SHISA6: variants seen among roughly 807,000 people sequenced by gnomAD.
The protein encoded by SHISA6 is shisa family member 6.
Under a neutral mutation model 47.9 loss-of-function variants are expected in SHISA6, and 22 were observed. The ratio of observed to expected loss-of-function variants is 0.46; its 90% CI spans 0.33 to 0.66. The LOEUF (loss-of-function observed/expected upper bound fraction) is 0.66. Ranked by LOEUF, SHISA6 falls within the 30% of genes least tolerant of loss-of-function variation. The pLI is 0.02. For synonymous variants in SHISA6, 388 were observed against 337.8 expected, an observed-to-expected ratio of 1.15 and a Z score of -1.63; for missense variants, 680 against 764.6, an observed-to-expected ratio of 0.89 and a Z score of 1.30.
chr17:11,480,919 T>C (rs1052229721), intron 3 of SHISA6, among the ~76,000 whole-genome samples: 1 of 152,092 alleles, frequency 6.6e-6, no homozygotes, highest in Admixed American at 6.6e-5. Context: ...GAAGTGAGTA[T>C]ATTAAAAAAA....
Position 11,263,475 on chromosome 17 carries a change from T to C in SHISA6, c.748T>C (p.Ser250Pro), listed in dbSNP as rs1908314540. 6.4e-7 allele frequency: 1 copy of C among 1,551,566 alleles called. No individual in the cohort carries two copies. Among genetic ancestry groups the C allele is most frequent in the Admixed American group, 2.0e-5 (1 of 50,966 alleles). ...TSPKENTPVR[S>P]SSKNHYTPVR... ...TCCCAAAGAGAACACGCCGGTCAGA[T>C]CGTCCTCCAAAAACCACTACACTCC... The change falls in exon 2 of 6, where the codon TCG (serine) becomes CCG (proline). Residue 250 changes from serine (S) to proline (P), a missense_variant. This residue lies in a region of SHISA6 where 559 missense variants were observed against 674.1 expected (regional missense o/e 0.83). Transcript: ENST00000441885.
intron 2 of SHISA6, among the ~76,000 whole-genome samples, chr17:11,374,186 T>C (rs948662862): frequency 1.3e-5 from 2 of 152,214 alleles, no homozygotes; most frequent in Non-Finnish European, 2.9e-5. Flanking sequence ...CTTTGGGTTT[T>C]CTCTCCTTTG....
rs1332765351 is a variant in SHISA6 at position 11,379,513 on chromosome 17, C to G, written c.895+4C>G. 2.6e-6 allele frequency: 4 copies of G among 1,525,558 alleles called. No individual in the cohort carries two copies. The highest frequency in any genetic ancestry group is 3.5e-6 in the Non-Finnish European group (4 of 1,132,886). 94.5% of individuals were successfully genotyped at this position (1,525,558 alleles called of 1,614,324 possible). A position where few individuals can be genotyped will look rare whatever the true frequency, so the allele number is the denominator to read the frequency against. ...TTAGGAAGAGGACACACCAAGGGTA[C>G]AGTGGAAACCATTTTTTACTAAAAT... is the stretch of plus-strand genomic sequence containing the variant. On this transcript the variant is annotated splice_donor_region_variant and intron_variant, in intron 3 of 5. Transcript: ENST00000441885.
At chr17:11,360,375 T>G (rs1912225644) in intron 2 of SHISA6, among the ~76,000 whole-genome samples, 1 of 152,004 alleles carries the variant, frequency 6.6e-6, no homozygotes, top group South Asian at 2.1e-4. Flanking sequence ...CTGGCCAAGA[T>G]GGTGAAACCC....
At chr17:11,434,017 A>G (rs1914864558) in intron 3 of SHISA6, among the ~76,000 whole-genome samples, 1 of 151,532 alleles carries the variant, frequency 6.6e-6, no homozygotes, top group Non-Finnish European at 1.5e-5. Flanking sequence ...CACATGCGGT[A>G]TATCCCAGGA....
chr17:11,487,253 T>C (rs1410391133), intron 3 of SHISA6, among the ~76,000 whole-genome samples: 1 of 152,184 alleles, frequency 6.6e-6, no homozygotes, highest in African/African-American at 2.4e-5. Flanking sequence ...AGAGACTGAA[T>C]AAGTATCCTA....
At chr17:11,387,796 C>G (rs1243089480) in intron 3 of SHISA6, among the ~76,000 whole-genome samples, 1 of 152,136 alleles carries the variant, frequency 6.6e-6, no homozygotes, top group African/African-American at 2.4e-5. Flanking sequence ...CCTCCTCCAG[C>G]TGAGTCAGGT....
intron 1 of SHISA6, among the ~76,000 whole-genome samples, chr17:11,251,870 G>C (rs578087722): frequency 5.5e-4 from 83 of 152,264 alleles, no homozygotes; most frequent in African/African-American, 1.9e-3. Context: ...TTACTCTCCA[G>C]CTCCCAACCT....
intron 3 of SHISA6, among the ~76,000 whole-genome samples, chr17:11,456,757 T>C (rs568444368): frequency 1.3e-5 from 2 of 152,138 alleles, no homozygotes; most frequent in South Asian, 2.1e-4. Flanking sequence ...GTCTCAAATA[T>C]TCTCTTTAGG....
intron 3 of SHISA6, among the ~76,000 whole-genome samples, chr17:11,462,275 G>A (rs959440370): frequency 6.6e-6 from 1 of 152,146 alleles, no homozygotes; most frequent in Non-Finnish European, 1.5e-5. Context: ...CAGTCAGGAT[G>A]CCATGCATTC....
Position 11,419,911 on chromosome 17 carries a change from G to A in SHISA6, c.895+40402G>A, listed in dbSNP as rs183817564. On this transcript the variant is annotated intron_variant, in intron 3 of 5. Coordinates refer to ENST00000441885, the MANE Select transcript of SHISA6 (RefSeq NM_207386.4). The stretch of plus-strand genomic sequence containing the variant: ...CCATGGTTCCAAAGGTGAAATAGAA[G>A]AAGTACAAGGGGCTGGGTGCGGTGG... Among the ~76,000 whole-genome samples, 13 of 152,276 alleles carry A rather than the reference G, an allele frequency of 8.5e-5. No individual in the cohort carries two copies. In the East Asian group the frequency reaches 2.3e-3, roughly 27 times the overall value.
chr17:11,291,118 G>A (rs978675416), intron 2 of SHISA6, among the ~76,000 whole-genome samples: 7 of 151,982 alleles, frequency 4.6e-5, no homozygotes, highest in African/African-American at 1.7e-4. Flanking sequence ...AGTAGTGGGC[G>A]ATTCGAGGGG....
chr17:11,535,738 TA>T (rs1158827160), intron 3 of SHISA6, among the ~76,000 whole-genome samples: 1 of 152,210 alleles, frequency 6.6e-6, no homozygotes, highest in Admixed American at 6.5e-5. Flanking sequence ...TTCAGCTACT[TA>T]TTTTTTGCGT....
chr17:11,545,436 G>T (rs1048808166), intron 3 of SHISA6, among the ~76,000 whole-genome samples: 1 of 152,150 alleles, frequency 6.6e-6, no homozygotes, highest in Non-Finnish European at 1.5e-5. Context: ...GCAACAAGAG[G>T]AATCCTTGTG....
chr17:11,324,471 T>C (rs1910808857), intron 2 of SHISA6, among the ~76,000 whole-genome samples: 1 of 152,162 alleles, frequency 6.6e-6, no homozygotes, highest in Non-Finnish European at 1.5e-5. Flanking sequence ...GCCCCTGACC[T>C]CGTGGACCTC....
intron 2 of SHISA6, among the ~76,000 whole-genome samples, chr17:11,346,588 A>T (rs1287006017): frequency 2.6e-5 from 4 of 152,230 alleles, no homozygotes; most frequent in South Asian, 4.1e-4. Context: ...CTGAGACAGA[A>T]TCATCTGGGA....
chr17:11,328,590 G>A (rs560745836), intron 2 of SHISA6, among the ~76,000 whole-genome samples: 3 of 152,294 alleles, frequency 2.0e-5, no homozygotes, highest in South Asian at 2.1e-4. Flanking sequence ...AATAAATTGC[G>A]TGTGTGTGTT....
At chr17:11,362,101 A>G (rs1382496757) in intron 2 of SHISA6, among the ~76,000 whole-genome samples, 1 of 152,084 alleles carries the variant, frequency 6.6e-6, no homozygotes, top group Non-Finnish European at 1.5e-5. Context: ...CTTTCTCATC[A>G]TTAAGATCTC....
At chr17:11,268,142 T>C (rs1484214706) in intron 2 of SHISA6, among the ~76,000 whole-genome samples, 2 of 152,170 alleles carry the variant, frequency 1.3e-5, no homozygotes, top group Non-Finnish European at 2.9e-5. Context: ...CTTCACTTTA[T>C]CAAGAGTGAC....
Sources: gnomAD v4.1 joint callset for allele counts (sites outside exome capture counted in the v4.1 genomes callset) on GRCh38, gnomAD v4.1.1 for gene constraint, gnomAD v4.1.1 regional missense constraint, MANE v1.5 for transcripts, NCBI Gene and HGNC (gene_info 2026-07-23, HGNC 2026-07-21) for gene names.